The following C22orf23 variants were observed in gnomAD, a reference collection of about 807,000 sequenced individuals.
The protein encoded by C22orf23 is UPF0193 protein EVG1.
C22orf23 carries 30 observed loss-of-function variants against 29.7 expected under a neutral mutation model. The observed-to-expected ratio is 1.01, with a 90% CI of 0.76 to 1.37. The LOEUF (loss-of-function observed/expected upper bound fraction) is 1.37. Ranked by LOEUF, C22orf23 falls within the 40% of genes most tolerant of loss-of-function variation. The pLI is 0.00. For synonymous variants in C22orf23, 90 were observed against 96.1 expected (o/e 0.94, Z 0.37); for missense variants, 237 against 273.1 (o/e 0.87, Z 0.93).
intron 2 of C22orf23, chr22:37,952,738 A>C: frequency 6.9e-6 from 2 of 288,830 alleles, no homozygotes; most frequent in South Asian, 9.0e-5. Context: ...GACTGGTACC[A>C]GTCCCTGGCC....
chr22:37,944,139 C>CGA lies in C22orf23; in HGVS notation c.*34_*35dup. On this transcript the variant is annotated 3_prime_UTR_variant, in exon 7 of 7. Transcript: ENST00000403305. ...TGGCAGAGGAGTGGACTCCAGTGGT[C>CGA]GAGCTTGGGCTACCCTGCCCGTCTC... 2 of 1,594,094 alleles carry CGA rather than the reference C, an allele frequency of 1.3e-6. No homozygotes were observed. Among genetic ancestry groups the CGA allele is most frequent in the Non-Finnish European group, 1.7e-6 (2 of 1,161,796 alleles).
Position 37,948,915 on chromosome 22 carries a change from C to G in C22orf23, c.167-1452G>C, listed in dbSNP as rs1930856278. Among the ~76,000 whole-genome samples, 2 of 152,112 alleles carry G rather than the reference C, an allele frequency of 1.3e-5. 1 individual carries two copies. Among genetic ancestry groups the G allele is most frequent in the South Asian group, 4.1e-4 (2 of 4,830 alleles). ...TTTATATATAACTTATTTTTTATAG[C>G]TATATACTAGTATCCTTAGAATGGA... On this transcript the variant is annotated intron_variant, in intron 3 of 6. Coordinates refer to ENST00000403305, the MANE Select transcript of C22orf23 (RefSeq NM_032561.5).
chr22:37,947,204 T>C, intron 4 of C22orf23, 77 bp downstream of exon 4: 3 of 1,492,324 alleles, frequency 2.0e-6, no homozygotes, highest in South Asian at 1.1e-5. Flanking sequence ...CCACCTGCCC[T>C]GTGGGCTGCT....
rs142170250 is a variant in C22orf23, at chr22:37,947,314, A to T, written c.316T>A (p.Tyr106Asn). Reference protein sequence around the residue: ...PANMCQANGAYSREQFKPQAT... With the variant: ...PANMCQANGANSREQFKPQAT... Reference sequence around the variant, plus strand: ...TGAGGCTTGAACTGCTCCCGGCTGTAGGCCCCATTGGCTTGACACATGTTG... The same window carrying T: ...TGAGGCTTGAACTGCTCCCGGCTGTTGGCCCCATTGGCTTGACACATGTTG... Residue 106 changes from tyrosine to asparagine, a missense_variant, in exon 4 of 7, where the codon TAC (tyrosine) becomes AAC (asparagine). Physicochemically the swap from Tyr to Asn is moderately radical, Grantham distance 143. Transcript: ENST00000403305. 2.2e-4 allele frequency: 363 copies of T among 1,613,800 alleles called. 1 individual carries two copies. Among genetic ancestry groups the T allele is most frequent in the Non-Finnish European group, 4.9e-5 (58 of 1,179,998 alleles).
At chr22:37,952,880 T>C (rs1365698885) in intron 2 of C22orf23, 167 bp downstream of exon 2, 8 of 596,830 alleles carry the variant, frequency 1.3e-5, no homozygotes, top group Non-Finnish European at 2.4e-5. Context: ...ACGCGAGGGA[T>C]CTAGGTTGCA....
intron 3 of C22orf23, among the ~76,000 whole-genome samples, chr22:37,948,855 A>G (rs1930854525): frequency 6.6e-6 from 1 of 152,178 alleles, no homozygotes; most frequent in Non-Finnish European, 1.5e-5. Context: ...TTTTCACTTA[A>G]CATTTTTTCA....
intron 3 of C22orf23, 64 bp from the exon 4 acceptor site, chr22:37,947,527 T>TC: frequency 9.8e-7 from 1 of 1,023,950 alleles, no homozygotes; most frequent in Non-Finnish European, 1.4e-6. Flanking sequence ...TTTTTTTTTT[T>TC]TGAGTCTGAG....
At position 37,943,145 on chromosome 22, in the gene C22orf23, G is replaced by T. The variant is rs1930504356; in HGVS notation, c.*1030C>A. On this transcript the variant is annotated 3_prime_UTR_variant, in exon 7 of 7. Transcript: ENST00000403305. Reference sequence around the variant, plus strand: ...AGGTTGATATTTCCAAAATATTTTGGTGATTTAGTGGGACAAGCAAATGAC... The same window carrying T: ...AGGTTGATATTTCCAAAATATTTTGTTGATTTAGTGGGACAAGCAAATGAC... The T allele has an allele frequency of 6.6e-6, 1 of 151,942 alleles. No individual in the cohort carries two copies. Among genetic ancestry groups the T allele is most frequent in the Non-Finnish European group, 1.5e-5 (1 of 68,032 alleles). The allele number at this position is 151,942 out of a possible 1,614,324, so 9.4% of individuals were successfully genotyped here.
chr22:37,948,076 C>T (rs1930809464), intron 3 of C22orf23, among the ~76,000 whole-genome samples: 1 of 151,874 alleles, frequency 6.6e-6, no homozygotes, highest in Admixed American at 6.6e-5. Flanking sequence ...CACTGCACTC[C>T]AGCCTGGGCG....
intron 4 of C22orf23, among the ~76,000 whole-genome samples, chr22:37,945,494 CTTTTTTTTTTT>C (rs369277812): frequency 0.04 from 5,202 of 129,094 alleles, 307 homozygotes; most frequent in African/African-American, 0.14. Context: ...TTTTTTTCTT[CTTTTTTTTTTT>C]TTTTTTTGAG....
At chr22:37,950,622 G>A (rs1464738422) in intron 3 of C22orf23, among the ~76,000 whole-genome samples, 1 of 151,738 alleles carries the variant, frequency 6.6e-6, no homozygotes, top group Non-Finnish European at 1.5e-5. Flanking sequence ...AAAAAATTTT[G>A]GGGGCTGGGT....
chr22:37,943,910 G>A lies in C22orf23; in HGVS notation c.*265C>T. The A allele has an allele frequency of 1.9e-6, 1 of 534,642 alleles. No individual in the cohort carries two copies. Among genetic ancestry groups the A allele is most frequent in the South Asian group, 2.4e-5 (1 of 41,454 alleles). 33.1% of individuals were successfully genotyped at this position (534,642 alleles called of 1,614,324 possible). A position where few individuals can be genotyped will look rare whatever the true frequency, so the allele number is the denominator to read the frequency against. On this transcript the variant is annotated 3_prime_UTR_variant, in exon 7 of 7. Transcript: ENST00000403305. ...GAAGTGGTGGGAAGCAGGCCCAGTG[G>A]ATACCTTTAGACACATGTCCTAGTA...
At position 37,947,265 on chromosome 22, in the gene C22orf23, T is replaced by C. The variant is rs1328816759; in HGVS notation, c.349+16A>G. The C allele has an allele frequency of 1.9e-6, 3 of 1,612,880 alleles. No individual in the cohort carries two copies. Among genetic ancestry groups the C allele is most frequent in the Non-Finnish European group, 2.5e-6 (3 of 1,179,092 alleles). On this transcript the variant is annotated intron_variant, in intron 4 of 6. Coordinates refer to ENST00000403305, the MANE Select transcript of C22orf23 (RefSeq NM_032561.5). ...CAGGGAGATGGAGAAAGGCCCTAGC[T>C]GAGACCCTCACTTACTGGTGGCTTG... is the stretch of plus-strand genomic sequence containing the variant.
chr22:37,953,378 G>A, intron 1 of C22orf23, 70 bp downstream of exon 1: 1 of 576,040 alleles, frequency 1.7e-6, no homozygotes, highest in Non-Finnish European at 3.1e-6. Flanking sequence ...AGTCTCCTCG[G>A]GAGGGAGTGT....
intron 4 of C22orf23, 24 bp downstream of exon 4, chr22:37,947,257 G>A (rs1930749335): frequency 6.2e-7 from 1 of 1,613,524 alleles, no homozygotes; most frequent in Non-Finnish European, 8.5e-7. Context: ...ATGGAGAAAG[G>A]CCCTAGCTGA....
chr22:37,947,504 T>A, intron 3 of C22orf23, 41 bp from the exon 4 acceptor site: 4 of 47,506 alleles, frequency 8.4e-5, no homozygotes, highest in Non-Finnish European at 1.2e-4. Context: ...CCACATGGCT[T>A]TTTTTTTTTT....
At chr22:37,951,793 T>C (rs1308107183) in intron 2 of C22orf23, 1 of 182,350 alleles carries the variant, frequency 5.5e-6, no homozygotes, top group Non-Finnish European at 1.1e-5. Context: ...TTTTTCCTCT[T>C]TCTCTTTTTT....
In C22orf23 at chr22:37,947,401, G is replaced by A. The variant is rs1930763055; in HGVS notation, c.229C>T (p.Gln77Ter). ...TSSQRVLPSK[Q>*]IASPIYLPPI... Reference sequence around the variant, plus strand: ...GGCAGGTAGATGGGCGAGGCTATTTGCTTGGAAGGTAAGACTCTCTGGCTG... The same window carrying A: ...GGCAGGTAGATGGGCGAGGCTATTTACTTGGAAGGTAAGACTCTCTGGCTG... Residue 77 changes from glutamine to a stop codon, truncating the protein, a stop_gained, in exon 4 of 7, where the codon CAA becomes TAA. Transcript: ENST00000403305. LOFTEE classifies it high-confidence loss of function. 1 of 1,612,642 alleles carries A rather than the reference G, an allele frequency of 6.2e-7. No individual in the cohort carries two copies. The highest frequency in any genetic ancestry group is 1.3e-5 in the African/African-American group (1 of 74,778).
In C22orf23 at chr22:37,953,117, G is replaced by A. The variant is rs1402424179; in HGVS notation, c.33C>T (p.Thr11=). The A allele has an allele frequency of 2.5e-6, 4 of 1,613,934 alleles. No homozygotes were observed. The highest frequency in any genetic ancestry group is 3.4e-6 in the Non-Finnish European group (4 of 1,179,932). Residue 11 remains threonine (T), a synonymous_variant, in exon 2 of 7, where the codon ACC becomes ACT. Coordinates refer to ENST00000403305, the MANE Select transcript of C22orf23 (RefSeq NM_032561.5). The part of the protein sequence containing the change: MASQKQMEVV[T]KGTGFRRRPK... ...GGCGGCGCCGGAACCCAGTTCCTTT[G>A]GTCACTACCTCCATCTGCTTCTGTG...
Sources: allele counts gnomAD v4.1 joint callset (sites outside exome capture counted in the v4.1 genomes callset), GRCh38; gene constraint gnomAD v4.1.1; transcripts MANE v1.5; gene names NCBI Gene and HGNC (gene_info 2026-07-23, HGNC 2026-07-21).